The following WNK1 variants were observed in gnomAD, a reference collection of about 807,000 sequenced individuals.
WNK1 encodes WNK lysine deficient protein kinase 1.
A neutral mutation model predicts 222.8 loss-of-function variants in WNK1; 38 were observed. That is an observed-to-expected ratio of 0.17 (90% CI 0.13 to 0.22). The LOEUF (loss-of-function observed/expected upper bound fraction) is 0.22, where lower values mean the gene tolerates loss of function less well. Ranked by LOEUF, WNK1 falls within the 10% of genes least tolerant of loss-of-function variation. The pLI is 1.00. For missense variants in WNK1, 2,348 were observed against 2,918.4 expected, an observed-to-expected ratio of 0.80 and a Z score of 4.50; for synonymous variants, 1,090 against 1,092.9, an observed-to-expected ratio of 1.00 and a Z score of 0.05.
intron 10 of WNK1, 60 bp from the exon 11 acceptor site, chr12:879,513 C>CTTTTTTTTTTTTTTTTTTTTTTTTCTTTT: frequency 7.4e-6 from 3 of 403,028 alleles, no homozygotes; most frequent in South Asian, 3.0e-5. Context: ...GGCAGCCTTG[C>CTTTTTTTTTTTTTTTTTTTTTTTTCTTTT]TTTTTTTTTT....
At chr12:894,154 G>C (rs568892488) in intron 22 of WNK1, among the ~76,000 whole-genome samples, 44 of 151,924 alleles carry the variant, frequency 2.9e-4, no homozygotes, top group Non-Finnish European at 6.0e-4. Flanking sequence ...GTAGGTGGAG[G>C]TTGCAATGAG....
intron 1 of WNK1, among the ~76,000 whole-genome samples, chr12:783,258 G>A (rs900334772): frequency 6.6e-6 from 1 of 152,106 alleles, no homozygotes; most frequent in Non-Finnish European, 1.5e-5. Flanking sequence ...TATAAAGATA[G>A]TATATATTCT....
chr12:753,477 C>A lies in WNK1; in HGVS notation c.-89C>A. On this transcript the variant is annotated 5_prime_UTR_variant, in exon 1 of 28. Coordinates refer to ENST00000315939, the MANE Select transcript of WNK1 (RefSeq NM_018979.4). The surrounding 1 kb of genome is among the most constrained non-coding windows in gnomAD (Gnocchi z 5.2). ...GCGCGAACCCGCCCGGCCGCGGTTC[C>A]CTGCAGACCTCTGCGCGGGCGGCTC... The A allele has an allele frequency of 6.4e-7, 1 of 1,573,238 alleles. No individual in the cohort carries two copies. The highest frequency in any genetic ancestry group is 8.6e-7 in the Non-Finnish European group (1 of 1,157,208).
At chr12:898,771 G>A (rs190516500) in intron 25 of WNK1, among the ~76,000 whole-genome samples, 246 of 151,360 alleles carry the variant, frequency 1.6e-3, no homozygotes, top group Admixed American at 3.2e-3. Flanking sequence ...ACAGAATCCC[G>A]CTCTGTTGCC....
chr12:762,407 A>G (rs1941148113), intron 1 of WNK1, among the ~76,000 whole-genome samples: 1 of 147,676 alleles, frequency 6.8e-6, no homozygotes, highest in Non-Finnish European at 1.5e-5. Flanking sequence ...TGTAAGTGCT[A>G]TGTAAATAGT....
chr12:893,823 A>AATAATAATAATAATAATAAT (rs142028560), intron 22 of WNK1, among the ~76,000 whole-genome samples: 1 of 143,788 alleles, frequency 7.0e-6, no homozygotes, highest in Non-Finnish European at 1.5e-5. Flanking sequence ...ACTCCATCTC[A>AATAATAATAATAATAATAAT]AATAATAATA....
rs1453578764 is a variant in WNK1 at position 880,882 on chromosome 12, T to C, written c.2994T>C (p.Tyr998=). ...ACTTTCCCACAGTGGTGCAGCCTTA[T>C]GTGGAATCAAATCTTTTAGTTCCTA... The part of the protein sequence containing the change: ...PGYFPTVVQP[Y]VESNLLVPMG... Residue 998 remains tyrosine (Y), a synonymous_variant, in exon 12 of 28, where the codon TAT becomes TAC. Coordinates refer to ENST00000315939, the MANE Select transcript of WNK1 (RefSeq NM_018979.4). 6.2e-7 allele frequency: 1 copy of C among 1,614,172 alleles called. No individual in the cohort carries two copies. Among genetic ancestry groups the C allele is most frequent in the Admixed American group, 1.7e-5 (1 of 60,022 alleles).
intron 4 of WNK1, among the ~76,000 whole-genome samples, chr12:840,046 T>C (rs780278203): frequency 3.9e-5 from 6 of 151,948 alleles, no homozygotes; most frequent in Non-Finnish European, 2.9e-5. Flanking sequence ...GTATTCTAAA[T>C]GGAGTAGCAA....
chr12:883,197 C>A (rs1953335676), intron 15 of WNK1, 138 bp downstream of exon 15: 1 of 963,028 alleles, frequency 1.0e-6, no homozygotes, highest in East Asian at 2.4e-5. Flanking sequence ...AAAACTATCA[C>A]ACCCAACCTG....
rs1951918264 is a variant in WNK1, at chr12:869,006, C to G, written c.2140-2259C>G. On this transcript the variant is annotated intron_variant, in intron 8 of 27. Coordinates refer to ENST00000315939, the MANE Select transcript of WNK1 (RefSeq NM_018979.4). Reference sequence around the variant, plus strand: ...TATCCATCTGCCTCAGACAGTGTTACAAGAATCCCCACTTTTCTTCTGTTT... The same window carrying G: ...TATCCATCTGCCTCAGACAGTGTTAGAAGAATCCCCACTTTTCTTCTGTTT... 2.5e-6 allele frequency: 4 copies of G among 1,610,266 alleles called. No individual in the cohort carries two copies. Among genetic ancestry groups the G allele is most frequent in the Non-Finnish European group, 2.5e-6 (3 of 1,178,148 alleles).
rs575862604 is a variant in WNK1, at chr12:833,033, G to A, written c.1311+2873G>A. 4.2e-4 allele frequency among the ~76,000 whole-genome samples: 62 copies of A among 149,274 alleles called. 1 individual carries two copies. Among genetic ancestry groups the A allele is most frequent in the Non-Finnish European group, 5.5e-4 (37 of 67,546 alleles). The stretch of plus-strand genomic sequence containing the variant: ...TTCTCTCTTTTTTTTTTTCCTTTGA[G>A]CATAGGGTCGACTGTTTATTGGGTA... On this transcript the variant is annotated intron_variant, in intron 4 of 27. Transcript: ENST00000315939.
rs1951269789 is a variant in WNK1, at chr12:862,186, T to G, written c.2055T>G (p.His685Gln). The G allele has an allele frequency of 6.2e-6, 10 of 1,614,124 alleles. No homozygotes were observed. In the East Asian group the frequency reaches 2.2e-4, roughly 36 times the overall value. The change falls in exon 8 of 28, where the codon CAT (histidine) becomes CAG (glutamine). Residue 685 changes from histidine to glutamine, a missense_variant. Physicochemically the swap from His to Gln is conservative, Grantham distance 24. Transcript: ENST00000315939. The stretch of plus-strand genomic sequence containing the variant: ...ATGGTTCCCAACATGAACAGGCACA[T>G]TCTACAGGCACAGTCCCAGGGCATA... ...VSYGSQHEQA[H>Q]STGTVPGHIP...
chr12:879,513 CTT>C (rs10717495), intron 10 of WNK1, 58 bp from the exon 11 acceptor site: 62,051 of 390,044 alleles, frequency 0.16, 13 homozygotes, highest in East Asian at 0.17. Flanking sequence ...GGCAGCCTTG[CTT>C]TTTTTTTTTT....
intron 1 of WNK1, among the ~76,000 whole-genome samples, chr12:783,320 G>A (rs1363203186): frequency 3.3e-5 from 5 of 151,892 alleles, no homozygotes; most frequent in Admixed American, 1.3e-4. Context: ...AACATATCTC[G>A]GTTCACACCA....
At chr12:758,035 TAAAAAAAAAAA>T (rs71051381) in intron 1 of WNK1, among the ~76,000 whole-genome samples, 2 of 116,276 alleles carry the variant, frequency 1.7e-5, no homozygotes, top group African/African-American at 3.1e-5. Flanking sequence ...ACTCTGTCTC[TAAAAAAAAAAA>T]AAAAAAAAGA....
At chr12:822,392 C>T (rs10849564) in intron 2 of WNK1, among the ~76,000 whole-genome samples, 64,798 of 152,012 alleles carry the variant, frequency 0.43, 15,348 homozygotes, top group East Asian at 0.81. Context: ...CGCCCGCAGC[C>T]GTAATATATC....
intron 26 of WNK1, chr12:900,945 T>C (rs1955206059): frequency 2.0e-6 from 1 of 492,678 alleles, no homozygotes; most frequent in African/African-American, 1.9e-5. Flanking sequence ...ATTTGGAACT[T>C]AGGCTTTAAT....
chr12:788,173 A>G (rs1341154234), intron 1 of WNK1, among the ~76,000 whole-genome samples: 2 of 152,172 alleles, frequency 1.3e-5, no homozygotes, highest in Admixed American at 1.3e-4. Context: ...AGGTTTAACC[A>G]TATCTACAAA....
At position 829,944 on chromosome 12, in the gene WNK1, G is replaced by T. The variant is rs1427554489; in HGVS notation, c.1154-59G>T. 8.1e-6 allele frequency: 13 copies of T among 1,595,626 alleles called. No homozygotes were observed. The East Asian group carries it at 2.9e-4, about 36-fold the overall frequency. On this transcript the variant is annotated intron_variant, in intron 3 of 27. Coordinates refer to ENST00000315939, the MANE Select transcript of WNK1 (RefSeq NM_018979.4). ...GGTCAACCCCTCTGCTTCTCACCCC[G>T]GTGAGTAACGTCTGAAGCTTCTGCT...
Sources: allele counts gnomAD v4.1 joint callset (sites outside exome capture counted in the v4.1 genomes callset), GRCh38; gene constraint gnomAD v4.1.1; non-coding constraint Gnocchi (gnomAD v3.1); transcripts MANE v1.5; gene names NCBI Gene and HGNC (gene_info 2026-07-23, HGNC 2026-07-21).